The following FCHO2 variants were observed in gnomAD, a reference collection of about 807,000 sequenced individuals.
FCHO2 encodes FCH and mu domain containing endocytic adaptor 2.
FCHO2 carries 43 observed loss-of-function variants against 114.1 expected under a neutral mutation model. The ratio of observed to expected loss-of-function variants is 0.38; its 90% CI spans 0.30 to 0.49. The LOEUF (loss-of-function observed/expected upper bound fraction) is 0.49. FCHO2 is among the 20% of genes least tolerant of loss of function. The pLI, the probability that FCHO2 is intolerant of heterozygous loss-of-function variation, is 0.97. For synonymous variants in FCHO2, 293 were observed against 315.2 expected, an observed-to-expected ratio of 0.93 and a Z score of 0.75; for missense variants, 807 against 950.4, an observed-to-expected ratio of 0.85 and a Z score of 1.98.
chr5:72,979,752 C>T (rs1643928986), intron 2 of FCHO2, among the ~76,000 whole-genome samples: 1 of 152,186 alleles, frequency 6.6e-6, no homozygotes, highest in Non-Finnish European at 1.5e-5. Flanking sequence ...CTAGTATTCT[C>T]TGATGGTAGT....
intron 5 of FCHO2, chr5:72,997,698 C>G: frequency 6.5e-7 from 1 of 1,539,438 alleles, no homozygotes; most frequent in Non-Finnish European, 8.8e-7. Flanking sequence ...AGGGCGAGCC[C>G]TTGGGATACC....
rs183944394 is a variant in FCHO2, at chr5:73,013,681, T to C, written c.601-1945T>C. Among the ~76,000 whole-genome samples the C allele has an allele frequency of 3.0e-4, 45 of 152,302 alleles. No individual in the cohort carries two copies. The East Asian group carries it at 7.3e-3, about 25-fold the overall frequency. ...AGTATTTCTCAGACCTTCTTTTTTT[T>C]CTCCAAGATGGAGTCTCACTCTGTC... On this transcript the variant is annotated intron_variant, in intron 6 of 25. Transcript: ENST00000430046.
intron 1 of FCHO2, among the ~76,000 whole-genome samples, chr5:72,966,541 T>C (rs952914418): frequency 2.6e-5 from 4 of 152,252 alleles, no homozygotes; most frequent in African/African-American, 9.6e-5. Context: ...ATATTCTTCT[T>C]AATAAATGGA....
intron 2 of FCHO2, among the ~76,000 whole-genome samples, chr5:72,971,868 G>C (rs1352998551): frequency 6.6e-6 from 1 of 152,034 alleles, no homozygotes; most frequent in East Asian, 1.9e-4. Flanking sequence ...ATCGTGAATT[G>C]ATTTTTGTAT....
chr5:72,968,465 T>A (rs913640536), intron 1 of FCHO2, 33 bp from the exon 2 acceptor site: 3 of 1,416,564 alleles, frequency 2.1e-6, no homozygotes, highest in Non-Finnish European at 2.8e-6. Context: ...TTATCTGTTT[T>A]TTTATGAAAC....
In FCHO2 at chr5:72,990,631, T is replaced by C; in HGVS notation, c.342+12T>C. ...AGTCTCATAAAAAGGTATCAGTTTTTTTCTTGTTAAATAATTGATTGGTCA... is the reference window on the plus strand; with the variant it reads ...AGTCTCATAAAAAGGTATCAGTTTTCTTCTTGTTAAATAATTGATTGGTCA... On this transcript the variant is annotated intron_variant, in intron 4 of 25. Coordinates refer to ENST00000430046, the MANE Select transcript of FCHO2 (RefSeq NM_138782.3). The C allele has an allele frequency of 6.5e-7, 1 of 1,528,324 alleles. No homozygotes were observed. Among genetic ancestry groups the C allele is most frequent in the Non-Finnish European group, 8.8e-7 (1 of 1,142,572 alleles). The allele number at this position is 1,528,324 out of a possible 1,614,324, so 94.7% of individuals were successfully genotyped here. A position where few individuals can be genotyped will look rare whatever the true frequency, so the allele number is the denominator to read the frequency against.
At chr5:73,037,310 TAACTC>T (rs1174063826) in intron 10 of FCHO2, 95 bp downstream of exon 10, 4 of 900,710 alleles carry the variant, frequency 4.4e-6, no homozygotes, top group African/African-American at 3.7e-5. Context: ...ATTTTGGAAA[TAACTC>T]AAAAGTATAT....
chr5:72,988,208 G>C (rs753516761), intron 2 of FCHO2, among the ~76,000 whole-genome samples: 1 of 152,210 alleles, frequency 6.6e-6, no homozygotes, highest in Non-Finnish European at 1.5e-5. Context: ...GGGAGGCTGA[G>C]TGGGGCGGAT....
intron 8 of FCHO2, among the ~76,000 whole-genome samples, chr5:73,021,754 A>T (rs1339771155): frequency 6.6e-6 from 1 of 152,204 alleles, no homozygotes; most frequent in African/African-American, 2.4e-5. Context: ...TAAGCAGTAT[A>T]TATTTTTGTT....
At chr5:73,044,136 G>A (rs992088645) in intron 11 of FCHO2, among the ~76,000 whole-genome samples, 1 of 152,190 alleles carries the variant, frequency 6.6e-6, no homozygotes, top group Non-Finnish European at 1.5e-5. Context: ...CTTCCGCCAT[G>A]ATTGTAAGTT....
intron 2 of FCHO2, among the ~76,000 whole-genome samples, chr5:72,988,426 A>G (rs950319943): frequency 5.3e-5 from 8 of 152,154 alleles, no homozygotes; most frequent in Non-Finnish European, 1.2e-4. Flanking sequence ...TGACAGAGCC[A>G]TATTCCGTCT....
chr5:72,962,235 G>T (rs1420066083), intron 1 of FCHO2, among the ~76,000 whole-genome samples: 1 of 152,096 alleles, frequency 6.6e-6, no homozygotes, highest in Non-Finnish European at 1.5e-5. Flanking sequence ...TTCAGTTCAG[G>T]GGGAGGATTT....
chr5:72,990,800 A>G lies in FCHO2; in HGVS notation c.431A>G (p.Asn144Ser), dbSNP rs989977915. Reference protein sequence around the residue: ...QALQKSKENYNAKCVEQERLK... With the variant: ...QALQKSKENYSAKCVEQERLK... Reference sequence around the variant, plus strand: ...CTCCAGAAATCCAAGGAAAATTACAATGCCAAGTGTGTAGAACAGGAGCGT... The same window carrying G: ...CTCCAGAAATCCAAGGAAAATTACAGTGCCAAGTGTGTAGAACAGGAGCGT... Residue 144 changes from asparagine to serine, a missense_variant, in exon 5 of 26, where the codon AAT (asparagine) becomes AGT (serine). Physicochemically the swap from Asn to Ser is conservative, Grantham distance 46 (BLOSUM62 1). Coordinates refer to ENST00000430046, the MANE Select transcript of FCHO2 (RefSeq NM_138782.3). 7.1e-6 allele frequency: 11 copies of G among 1,553,042 alleles called. No individual in the cohort carries two copies. Among genetic ancestry groups the G allele is most frequent in the African/African-American group, 1.4e-5 (1 of 73,218 alleles).
Position 72,990,798 on chromosome 5 carries a change from C to G in FCHO2, c.429C>G (p.Tyr143Ter). ...CCCTCCAGAAATCCAAGGAAAATTA[C>G]AATGCCAAGTGTGTAGAACAGGAGC... Reference protein sequence around the residue: ...TQALQKSKENYNAKCVEQERL... With the variant: ...TQALQKSKEN The change falls in exon 5 of 26, where the codon TAC becomes TAG. Residue 143 changes from tyrosine to a stop codon, truncating the protein, a stop_gained. Coordinates refer to ENST00000430046, the MANE Select transcript of FCHO2 (RefSeq NM_138782.3). LOFTEE classifies it high-confidence loss of function. The G allele has an allele frequency of 6.4e-7, 1 of 1,552,920 alleles. No individual in the cohort carries two copies. The highest frequency in any genetic ancestry group is 8.7e-7 in the Non-Finnish European group (1 of 1,147,558).
chr5:73,029,638 A>ATTCC (rs1463154791), intron 8 of FCHO2, among the ~76,000 whole-genome samples: 5 of 152,214 alleles, frequency 3.3e-5, no homozygotes, highest in Non-Finnish European at 5.9e-5. Flanking sequence ...CTTTATAGGA[A>ATTCC]GCATGGTGCT....
intron 9 of FCHO2, among the ~76,000 whole-genome samples, chr5:73,035,660 G>A (rs1013536138): frequency 6.6e-6 from 1 of 151,896 alleles, no homozygotes; most frequent in African/African-American, 2.4e-5. Flanking sequence ...ATGCCATCAT[G>A]CCCAGCTAAC....
At chr5:72,980,113 T>A (rs1456768352) in intron 2 of FCHO2, among the ~76,000 whole-genome samples, 1 of 152,240 alleles carries the variant, frequency 6.6e-6, no homozygotes, top group East Asian at 1.9e-4. Flanking sequence ...AAACACTGTT[T>A]CAGCTGTGTC....
intron 1 of FCHO2, 109 bp from the exon 2 acceptor site, chr5:72,968,389 A>G (rs894170064): frequency 1.5e-6 from 1 of 675,438 alleles, no homozygotes; most frequent in Non-Finnish European, 2.3e-6. Flanking sequence ...AATTTATGAA[A>G]ACACCTCACC....
At chr5:73,079,345 T>G (rs1743019879) in intron 22 of FCHO2, among the ~76,000 whole-genome samples, 1 of 152,176 alleles carries the variant, frequency 6.6e-6, no homozygotes, top group Non-Finnish European at 1.5e-5. Context: ...TAAAATAGTT[T>G]GGAACTAACG....
Sources: allele counts gnomAD v4.1 joint callset (sites outside exome capture counted in the v4.1 genomes callset), GRCh38; gene constraint gnomAD v4.1.1; transcripts MANE v1.5; gene names NCBI Gene and HGNC (gene_info 2026-07-23, HGNC 2026-07-21).